The following PREP variants were observed in gnomAD, a reference collection of about 807,000 sequenced individuals.
The protein encoded by PREP is prolyl endopeptidase.
Under a neutral mutation model 87.6 loss-of-function variants are expected in PREP, and 29 were observed. That is an observed-to-expected ratio of 0.33 (90% CI 0.25 to 0.45). PREP has a LOEUF of 0.45. PREP is among the 20% of genes least tolerant of loss of function. The pLI, the probability that PREP is intolerant of heterozygous loss-of-function variation, is 1.00. For missense variants in PREP, 695 were observed against 886.5 expected, an observed-to-expected ratio of 0.78 and a Z score of 2.74; for synonymous variants, 337 against 328.6, an observed-to-expected ratio of 1.03 and a Z score of -0.28.
intron 2 of PREP, among the ~76,000 whole-genome samples, chr6:105,385,401 G>A (rs566650855): frequency 1.3e-5 from 2 of 151,684 alleles, no homozygotes; most frequent in African/African-American, 4.8e-5. Flanking sequence ...ATATAACCAC[G>A]GATTGGGAGA....
intron 10 of PREP, among the ~76,000 whole-genome samples, chr6:105,303,229 T>C (rs1299971399): frequency 1.3e-5 from 2 of 152,144 alleles, no homozygotes; most frequent in Admixed American, 1.3e-4. Flanking sequence ...CACATGCAGC[T>C]AATTTTTTAT....
At chr6:105,304,765 A>T (rs919737564) in intron 10 of PREP, among the ~76,000 whole-genome samples, 2 of 152,186 alleles carry the variant, frequency 1.3e-5, no homozygotes, top group Non-Finnish European at 2.9e-5. Flanking sequence ...TTAAAAAAAA[A>T]TTTATACAGA....
chr6:105,342,094 T>C (rs1458339384), intron 7 of PREP, among the ~76,000 whole-genome samples: 1 of 152,186 alleles, frequency 6.6e-6, no homozygotes, highest in East Asian at 1.9e-4. Flanking sequence ...AAGAGAATTT[T>C]AGACCAATAT....
intron 7 of PREP, among the ~76,000 whole-genome samples, chr6:105,337,930 C>G (rs1255442883): frequency 1.3e-5 from 2 of 152,084 alleles, no homozygotes; most frequent in East Asian, 3.9e-4. Context: ...AAACTACTAA[C>G]CTCAAAAGAC....
chr6:105,293,812 G>A (rs1770350949), intron 10 of PREP, among the ~76,000 whole-genome samples: 2 of 152,186 alleles, frequency 1.3e-5, no homozygotes, highest in African/African-American at 4.8e-5. Context: ...AATAACCTGA[G>A]TCTTTTGATA....
At position 105,278,303 on chromosome 6, in the gene PREP, G is replaced by A. The variant is rs1425736849; in HGVS notation, c.1974C>T (p.Tyr658=). ...HSLKFIATLQ[Y]IVGRSRKQSN... is the part of the protein sequence containing the mutation. ...TTTGCTTCCTGCTGCGGCCCACGATGTACTGAAGGGTGGCAATGAACTTCA... is the reference window on the plus strand; with the variant it reads ...TTTGCTTCCTGCTGCGGCCCACGATATACTGAAGGGTGGCAATGAACTTCA... Residue 658 remains tyrosine, a synonymous_variant, in exon 15 of 15, where the codon TAC becomes TAT. Coordinates refer to ENST00000652536, the MANE Select transcript of PREP (RefSeq NM_002726.5). The surrounding 1 kb of genome is among the most constrained non-coding windows in gnomAD (Gnocchi z 4.2). 6.2e-7 allele frequency: 1 copy of A among 1,614,222 alleles called. No individual in the cohort carries two copies. Among genetic ancestry groups the A allele is most frequent in the South Asian group, 1.1e-5 (1 of 91,082 alleles).
At chr6:105,350,104 G>T (rs568030238) in intron 7 of PREP, among the ~76,000 whole-genome samples, 3 of 152,100 alleles carry the variant, frequency 2.0e-5, no homozygotes, top group Non-Finnish European at 4.4e-5. Flanking sequence ...CTTTGAATCT[G>T]CAGATAGACT....
chr6:105,330,192 C>T (rs11156437), intron 8 of PREP, among the ~76,000 whole-genome samples: 56,077 of 152,054 alleles, frequency 0.37, 14,686 homozygotes, highest in African/African-American at 0.75. Flanking sequence ...GAGCCACTGT[C>T]TGAACACAAG....
At chr6:105,353,121 A>C (rs1350508006) in intron 6 of PREP, 44 bp from the exon 7 acceptor site, 1 of 1,446,762 alleles carries the variant, frequency 6.9e-7, no homozygotes, top group Admixed American at 1.9e-5. Context: ...ATTAGAATTT[A>C]TTTTTGTGAG....
chr6:105,350,454 A>G (rs1313220729), intron 7 of PREP, among the ~76,000 whole-genome samples: 1 of 152,218 alleles, frequency 6.6e-6, no homozygotes, highest in African/African-American at 2.4e-5. Flanking sequence ...TATTATCCCA[A>G]TATATCCAAC....
At chr6:105,385,574 ACC>A (rs1172345786) in intron 2 of PREP, among the ~76,000 whole-genome samples, 1 of 152,174 alleles carries the variant, frequency 6.6e-6, no homozygotes, top group African/African-American at 2.4e-5. Flanking sequence ...GGGGGAAAAA[ACC>A]CAAGAATTAA....
At chr6:105,356,810 T>C (rs1374687810) in intron 6 of PREP, among the ~76,000 whole-genome samples, 3 of 152,212 alleles carry the variant, frequency 2.0e-5, no homozygotes, top group Non-Finnish European at 4.4e-5. Context: ...AGTTATATCA[T>C]CATGTCCAGA....
At chr6:105,327,266 C>A (rs570923649) in intron 9 of PREP, among the ~76,000 whole-genome samples, 1 of 152,104 alleles carries the variant, frequency 6.6e-6, no homozygotes, top group East Asian at 1.9e-4. Flanking sequence ...CCTCATCTGT[C>A]CACTGGCTGC....
At chr6:105,364,663 C>T (rs1214618476) in intron 6 of PREP, among the ~76,000 whole-genome samples, 1 of 152,164 alleles carries the variant, frequency 6.6e-6, no homozygotes, top group African/African-American at 2.4e-5. Context: ...CTAAGAGATG[C>T]TGTGATAAAT....
chr6:105,282,672 C>G, intron 12 of PREP, 90 bp from the exon 13 acceptor site: 2 of 1,426,938 alleles, frequency 1.4e-6, no homozygotes, highest in South Asian at 2.7e-5. Context: ...AGCACGGTTT[C>G]AAATACTGAT....
At chr6:105,366,215 C>G (rs117068118) in intron 6 of PREP, among the ~76,000 whole-genome samples, 1 of 152,090 alleles carries the variant, frequency 6.6e-6, no homozygotes, top group Non-Finnish European at 1.5e-5. Context: ...CGAGACTGAG[C>G]CACCACACTC....
intron 10 of PREP, among the ~76,000 whole-genome samples, chr6:105,296,505 T>C (rs1223147410): frequency 2.0e-5 from 3 of 152,202 alleles, no homozygotes; most frequent in Non-Finnish European, 2.9e-5. Flanking sequence ...CTACTCCAAG[T>C]TATAAAAATA....
chr6:105,337,906 G>A (rs1166953916), intron 7 of PREP, among the ~76,000 whole-genome samples: 1 of 152,072 alleles, frequency 6.6e-6, no homozygotes. Flanking sequence ...AATTAACTTT[G>A]TTTATCCAGT....
rs559577525 is a variant in PREP, at chr6:105,329,136, C to T, written c.1016-110G>A. 10 of 1,013,030 alleles carry T rather than the reference C, an allele frequency of 9.9e-6. No individual in the cohort carries two copies. The African/African-American group carries it at 1.5e-4, about 15-fold the overall frequency. The allele number at this position is 1,013,030 out of a possible 1,614,324, so 62.8% of individuals were successfully genotyped here. A position where few individuals can be genotyped will look rare whatever the true frequency, so the allele number is the denominator to read the frequency against. On this transcript the variant is annotated intron_variant, in intron 8 of 14. Transcript: ENST00000652536. The stretch of plus-strand genomic sequence containing the variant: ...CACATAGGGCTATGCAGCAATGAGA[C>T]TTGCAAAGTCACTTTTACATTTTTT...
Sources: allele counts gnomAD v4.1 joint callset (sites outside exome capture counted in the v4.1 genomes callset), GRCh38; gene constraint gnomAD v4.1.1; non-coding constraint Gnocchi (gnomAD v3.1); transcripts MANE v1.5; gene names NCBI Gene and HGNC (gene_info 2026-07-23, HGNC 2026-07-21).